Variants in DAPL1 observed in about 807,000 individuals in gnomAD.
DAPL1 encodes death-associated protein-like 1.
DAPL1 carries 17 observed loss-of-function variants against 12.9 expected under a neutral mutation model. The observed-to-expected ratio is 1.32, with a 90% CI of 0.90 to 1.98. DAPL1 has a LOEUF of 1.98. Among genes scored for constraint, DAPL1 ranks in the 30% most tolerant of loss-of-function variants. The pLI is 0.00. For missense variants in DAPL1, 157 were observed against 125.7 expected, an observed-to-expected ratio of 1.25 and a Z score of -1.19; for synonymous variants, 51 against 42.0, an observed-to-expected ratio of 1.21 and a Z score of -0.82.
intron 1 of DAPL1, 69 bp from the exon 2 acceptor site, chr2:158,804,213 T>C: frequency 9.7e-7 from 1 of 1,027,948 alleles, no homozygotes. Flanking sequence ...TCTAAAGTCA[T>C]ACCTTTAATA....
rs1179117624 is a variant in DAPL1, at chr2:158,796,710, T to A, written c.58+1280T>A. On this transcript the variant is annotated intron_variant, in intron 1 of 3. Coordinates refer to ENST00000309950, the MANE Select transcript of DAPL1 (RefSeq NM_001017920.3). ...TGAAACCTGTTTTGCTAAACTACAT[T>A]TATGCACAAAGAACACAGACATAAA... Among the ~76,000 whole-genome samples the A allele has an allele frequency of 2.0e-5, 3 of 152,190 alleles. No homozygotes were observed. The East Asian group carries it at 5.8e-4, about 29-fold the overall frequency.
rs1241856542 is a variant in DAPL1, at chr2:158,801,086, A to ACCTG, written c.59-3192_59-3189dup. 9.2e-5 allele frequency among the ~76,000 whole-genome samples: 14 copies of ACCTG among 152,238 alleles called. No homozygotes were observed. The South Asian group carries it at 2.9e-3, about 32-fold the overall frequency. ...TTGAACTCCTGACCTCAGGTGATCC[A>ACCTG]CCTGCCTCGGCCTCCCAAAGTGCTG... On this transcript the variant is annotated intron_variant, in intron 1 of 3. Transcript: ENST00000309950.
chr2:158,813,877 C>T (rs1210648776), intron 3 of DAPL1, among the ~76,000 whole-genome samples: 1 of 152,070 alleles, frequency 6.6e-6, no homozygotes. Flanking sequence ...TCTTTTCCTA[C>T]CTCCACCCAT....
chr2:158,804,113 G>A (rs1288750158), intron 1 of DAPL1, among the ~76,000 whole-genome samples, 169 bp from the exon 2 acceptor site: 1 of 128,926 alleles, frequency 7.8e-6, no homozygotes, highest in African/African-American at 2.8e-5. Flanking sequence ...CCCACACCTG[G>A]TTTGCCAATA....
chr2:158,801,280 A>T (rs1168883944), intron 1 of DAPL1, among the ~76,000 whole-genome samples: 1 of 152,228 alleles, frequency 6.6e-6, no homozygotes, highest in African/African-American at 2.4e-5. Context: ...ATTACAGCAC[A>T]CTATATATGA....
chr2:158,815,860 G>C lies in DAPL1; in HGVS notation c.*39G>C, dbSNP rs764657773. 9 of 1,441,976 alleles carry C rather than the reference G, an allele frequency of 6.2e-6. No homozygotes were observed. The highest frequency in any genetic ancestry group is 6.8e-6 in the Non-Finnish European group (7 of 1,022,920). 89.3% of individuals were successfully genotyped at this position (1,441,976 alleles called of 1,614,324 possible). A position where few individuals can be genotyped will look rare whatever the true frequency, so the allele number is the denominator to read the frequency against. On this transcript the variant is annotated 3_prime_UTR_variant, in exon 4 of 4. Coordinates refer to ENST00000309950, the MANE Select transcript of DAPL1 (RefSeq NM_001017920.3). ...ACACAGCCGTCTGGCCAGCTGCCTC[G>C]AATATCTGACAGCTTAGCAAAAAGG... is the stretch of plus-strand genomic sequence containing the variant.
chr2:158,803,247 C>A (rs1035602052), intron 1 of DAPL1, among the ~76,000 whole-genome samples: 1 of 152,168 alleles, frequency 6.6e-6, no homozygotes, highest in Non-Finnish European at 1.5e-5. Context: ...AGACTGCAGA[C>A]CTTTTTATGG....
intron 1 of DAPL1, 62 bp from the exon 2 acceptor site, chr2:158,804,220 A>T: frequency 8.9e-7 from 1 of 1,126,412 alleles, no homozygotes; most frequent in South Asian, 1.5e-5. Context: ...TCATACCTTT[A>T]ATAACAAAGC....
intron 2 of DAPL1, among the ~76,000 whole-genome samples, chr2:158,806,236 A>AT (rs2059200397): frequency 1.1e-5 from 1 of 87,480 alleles, no homozygotes; most frequent in Non-Finnish European, 3.6e-5. Flanking sequence ...AACCATCCAG[A>AT]AAAAAAAAAA....
At chr2:158,811,430 T>G (rs2059229839) in intron 3 of DAPL1, among the ~76,000 whole-genome samples, 2 of 152,224 alleles carry the variant, frequency 1.3e-5, no homozygotes, top group South Asian at 4.1e-4. Flanking sequence ...GCTGCCAGTC[T>G]GCTAATACTA....
At chr2:158,800,784 T>G (rs578010548) in intron 1 of DAPL1, among the ~76,000 whole-genome samples, 1 of 152,332 alleles carries the variant, frequency 6.6e-6, no homozygotes, top group South Asian at 2.1e-4. Context: ...CCTCTGAAGA[T>G]TCCCAGATTA....
chr2:158,806,312 A>G (rs912314896), intron 2 of DAPL1, among the ~76,000 whole-genome samples: 1 of 122,558 alleles, frequency 8.2e-6, no homozygotes, highest in African/African-American at 2.7e-5. Context: ...AAACTCTCCT[A>G]CAAAATAACT....
intron 3 of DAPL1, among the ~76,000 whole-genome samples, chr2:158,809,103 G>T (rs930790172): frequency 2.6e-5 from 4 of 152,100 alleles, no homozygotes; most frequent in African/African-American, 7.2e-5. Flanking sequence ...GCTCACGCCT[G>T]TAATCCCAGC....
At chr2:158,802,814 T>A (rs1471743151) in intron 1 of DAPL1, among the ~76,000 whole-genome samples, 2 of 152,302 alleles carry the variant, frequency 1.3e-5, no homozygotes, top group East Asian at 3.9e-4. Context: ...TCCAAGAACC[T>A]TTTTTTGGAT....
At chr2:158,798,832 A>T (rs1478290326) in intron 1 of DAPL1, among the ~76,000 whole-genome samples, 2 of 152,134 alleles carry the variant, frequency 1.3e-5, no homozygotes, top group Non-Finnish European at 2.9e-5. Context: ...TAAACTTTTC[A>T]TTAAACCTTC....
At chr2:158,805,419 T>C (rs1168329339) in intron 2 of DAPL1, among the ~76,000 whole-genome samples, 1 of 152,194 alleles carries the variant, frequency 6.6e-6, no homozygotes, top group Non-Finnish European at 1.5e-5. Context: ...GTTATTTTTC[T>C]TCTGACCCAG....
rs542904633 is a variant in DAPL1 at position 158,795,480 on chromosome 2, T to C, written c.58+50T>C. The C allele has an allele frequency of 5.4e-5, 83 of 1,525,448 alleles. No homozygotes were observed. The African/African-American group carries it at 6.6e-4, about 12-fold the overall frequency. The allele number at this position is 1,525,448 out of a possible 1,614,324, so 94.5% of individuals were successfully genotyped here. On this transcript the variant is annotated intron_variant, in intron 1 of 3. Coordinates refer to ENST00000309950, the MANE Select transcript of DAPL1 (RefSeq NM_001017920.3). ...CTGCAGGCTGTTGCTGCTCCCCTCTTCCACCAATGCCTTCCATGGAGCACC... is the reference window on the plus strand; with the variant it reads ...CTGCAGGCTGTTGCTGCTCCCCTCTCCCACCAATGCCTTCCATGGAGCACC...
chr2:158,798,419 A>G (rs935805012), intron 1 of DAPL1, among the ~76,000 whole-genome samples: 2 of 152,216 alleles, frequency 1.3e-5, no homozygotes, highest in African/African-American at 4.8e-5. Context: ...GGACAGAACC[A>G]TGAAGTTAGA....
chr2:158,813,529 A>T (rs927850339), intron 3 of DAPL1, among the ~76,000 whole-genome samples: 27 of 151,174 alleles, frequency 1.8e-4, no homozygotes, highest in African/African-American at 6.6e-4. Flanking sequence ...TCTATCACTT[A>T]TTCTAACACT....
Sources: allele counts gnomAD v4.1 joint callset (sites outside exome capture counted in the v4.1 genomes callset), GRCh38; gene constraint gnomAD v4.1.1; transcripts MANE v1.5; gene names NCBI Gene and HGNC (gene_info 2026-07-23, HGNC 2026-07-21).